CTNND2: variants seen among roughly 807,000 people sequenced by gnomAD.
CTNND2 encodes the protein catenin delta 2.
A neutral mutation model predicts 144.4 loss-of-function variants in CTNND2; 22 were observed. The observed-to-expected ratio is 0.15, with a 90% CI of 0.11 to 0.22. CTNND2 has a LOEUF of 0.22. Among genes scored for constraint, CTNND2 ranks in the 10% least tolerant of loss-of-function variants. The pLI is 1.00. For missense variants in CTNND2, 1,353 were observed against 1,618.8 expected (o/e 0.84, Z 2.82); for synonymous variants, 751 against 695.6 (o/e 1.08, Z -1.25).
intron 2 of CTNND2, among the ~76,000 whole-genome samples, chr5:11,661,371 G>GAAGCT (rs1344270340): frequency 1.3e-5 from 2 of 152,154 alleles, no homozygotes; most frequent in Non-Finnish European, 2.9e-5. Flanking sequence ...TAAGTTACTA[G>GAAGCT]AAGGTCCCAT....
intron 15 of CTNND2, among the ~76,000 whole-genome samples, chr5:11,086,955 C>A (rs1750220630): frequency 6.6e-6 from 1 of 152,164 alleles, no homozygotes; most frequent in African/African-American, 2.4e-5. Context: ...ACTAAATATT[C>A]TCTTCTGAGG....
chr5:11,174,598 C>T (rs1425273289), intron 11 of CTNND2, among the ~76,000 whole-genome samples: 1 of 151,992 alleles, frequency 6.6e-6, no homozygotes, highest in East Asian at 1.9e-4. Context: ...CCGCAGTTCC[C>T]ATTTAAAAGC....
At chr5:11,647,850 A>G (rs913247064) in intron 2 of CTNND2, among the ~76,000 whole-genome samples, 8 of 152,114 alleles carry the variant, frequency 5.3e-5, no homozygotes, top group Non-Finnish European at 1.0e-4. Context: ...AAGCTTATGC[A>G]TCTAATTGTG....
chr5:10,985,306 A>C (rs1047962105), intron 20 of CTNND2, among the ~76,000 whole-genome samples: 3 of 152,202 alleles, frequency 2.0e-5, no homozygotes, highest in Admixed American at 6.5e-5. Flanking sequence ...GCAGGGCTGC[A>C]AGAACTCGCT....
chr5:11,202,284 A>G (rs570954877), intron 10 of CTNND2, among the ~76,000 whole-genome samples: 8 of 152,322 alleles, frequency 5.3e-5, no homozygotes, highest in Admixed American at 2.0e-4. Flanking sequence ...AAATATATTA[A>G]AAGGGAAAAT....
At chr5:11,635,467 C>G (rs1424806325) in intron 2 of CTNND2, among the ~76,000 whole-genome samples, 1 of 152,210 alleles carries the variant, frequency 6.6e-6, no homozygotes, top group East Asian at 1.9e-4. Context: ...AGATAAGACT[C>G]GAATGGATGA....
chr5:10,996,599 A>C (rs985593759), intron 18 of CTNND2, among the ~76,000 whole-genome samples: 2 of 150,948 alleles, frequency 1.3e-5, no homozygotes, highest in African/African-American at 4.9e-5. Context: ...TTGCTGATTT[A>C]TTTATTTATT....
At chr5:11,602,008 T>C (rs901695403) in intron 2 of CTNND2, among the ~76,000 whole-genome samples, 2 of 152,044 alleles carry the variant, frequency 1.3e-5, no homozygotes, top group Non-Finnish European at 2.9e-5. Flanking sequence ...TCCTCCCTAC[T>C]ACCCTGTGTT....
In CTNND2 at chr5:11,479,303, T is replaced by C. The variant is rs188176829; in HGVS notation, c.288-67234A>G. ...TTAAGGACGATGGTCTACAGCTCCA[T>C]CCATGTTCTGGCACAGGATATGATC... On this transcript the variant is annotated intron_variant, in intron 3 of 21. Transcript: ENST00000304623. Among the ~76,000 whole-genome samples, 57 of 152,338 alleles carry C rather than the reference T, an allele frequency of 3.7e-4. No homozygotes were observed. The South Asian group carries it at 9.5e-3, about 25-fold the overall frequency.
intron 11 of CTNND2, among the ~76,000 whole-genome samples, chr5:11,196,169 T>C (rs1736839410): frequency 6.6e-6 from 1 of 152,252 alleles, no homozygotes; most frequent in African/African-American, 2.4e-5. Flanking sequence ...TTCTTATTTA[T>C]AATTTGGCAC....
intron 1 of CTNND2, among the ~76,000 whole-genome samples, chr5:11,849,229 G>C (rs1475888566): frequency 1.3e-5 from 2 of 152,172 alleles, no homozygotes; most frequent in Non-Finnish European, 2.9e-5. Context: ...AAAACCATCA[G>C]ATCTCATGAG....
intron 2 of CTNND2, among the ~76,000 whole-genome samples, chr5:11,650,266 G>C (rs769162823): frequency 3.9e-5 from 6 of 152,262 alleles, no homozygotes; most frequent in Non-Finnish European, 8.8e-5. Context: ...AGACATGCCT[G>C]CTTCACCTTC....
chr5:11,876,878 C>T (rs76090404), intron 1 of CTNND2, among the ~76,000 whole-genome samples: 4,213 of 152,232 alleles, frequency 0.028, 98 homozygotes, highest in African/African-American at 0.059. Context: ...AACATCATGA[C>T]ATTTAGTCCA....
chr5:11,292,460 T>G (rs1240856374), intron 9 of CTNND2, among the ~76,000 whole-genome samples: 1 of 137,092 alleles, frequency 7.3e-6, no homozygotes, highest in East Asian at 2.0e-4. Flanking sequence ...AATCCCCATG[T>G]GTGGAGGGCG....
At chr5:11,043,870 C>T (rs1037795390) in intron 16 of CTNND2, among the ~76,000 whole-genome samples, 2 of 152,216 alleles carry the variant, frequency 1.3e-5, no homozygotes. Context: ...CACAGAGCTT[C>T]TGTAAATCAC....
chr5:11,611,664 G>C (rs1401104889), intron 2 of CTNND2, among the ~76,000 whole-genome samples: 2 of 152,126 alleles, frequency 1.3e-5, no homozygotes, highest in South Asian at 2.1e-4. Flanking sequence ...TATAATCTCA[G>C]CTTCTTGGGA....
intron 1 of CTNND2, among the ~76,000 whole-genome samples, chr5:11,864,727 C>T (rs1459929093): frequency 6.6e-6 from 1 of 152,066 alleles, no homozygotes; most frequent in Non-Finnish European, 1.5e-5. Context: ...TAAGAGCAGC[C>T]CTGCCATGCC....
chr5:11,119,480 C>T (rs1469113713), intron 12 of CTNND2, among the ~76,000 whole-genome samples: 1 of 152,192 alleles, frequency 6.6e-6, no homozygotes, highest in Admixed American at 6.5e-5. Context: ...TGATGGCCAA[C>T]CTTTGTTTCT....
chr5:11,476,861 A>G (rs1473371725), intron 3 of CTNND2, among the ~76,000 whole-genome samples: 1 of 152,098 alleles, frequency 6.6e-6, no homozygotes, highest in Non-Finnish European at 1.5e-5. Flanking sequence ...TTCACTTCCT[A>G]TTTCCCTCCA....
Sources: allele counts gnomAD v4.1 joint callset (sites outside exome capture counted in the v4.1 genomes callset), GRCh38; gene constraint gnomAD v4.1.1; transcripts MANE v1.5; gene names NCBI Gene and HGNC (gene_info 2026-07-23, HGNC 2026-07-21).